Variants in SH3D19 observed in about 807,000 individuals in gnomAD.
The protein encoded by SH3D19 is SH3 domain containing 19, also known as SH3 domain-containing protein 19.
A neutral mutation model predicts 112.1 loss-of-function variants in SH3D19; 58 were observed. That is an observed-to-expected ratio of 0.52 (90% CI 0.42 to 0.64). The LOEUF (loss-of-function observed/expected upper bound fraction) is 0.64. Among genes scored for constraint, SH3D19 ranks in the 30% least tolerant of loss-of-function variants. The probability of loss-of-function intolerance (pLI) is 0.00; values close to 1 mark genes in which losing one functional copy is unlikely to be tolerated. For synonymous variants in SH3D19, 391 were observed against 448.5 expected (o/e 0.87, Z 1.62); for missense variants, 1,090 against 1,263.4 (o/e 0.86, Z 2.08).
At chr4:151,219,732 A>G (rs4696235) in intron 2 of SH3D19, among the ~76,000 whole-genome samples, 123,433 of 152,104 alleles carry the variant, frequency 0.81, 52,355 homozygotes, top group Non-Finnish European at 0.95. Flanking sequence ...AACCTTTGTC[A>G]CCTACGTGCA....
chr4:151,243,716 C>T (rs182074725), intron 1 of SH3D19, among the ~76,000 whole-genome samples: 9 of 152,222 alleles, frequency 5.9e-5, no homozygotes, highest in Non-Finnish European at 7.4e-5. Flanking sequence ...AGGGCTATAC[C>T]GTAAGTCAAA....
intron 7 of SH3D19, chr4:151,170,650 T>C (rs1335398468): frequency 6.6e-6 from 1 of 152,154 alleles, no homozygotes; most frequent in Non-Finnish European, 1.5e-5. Flanking sequence ...TGAGGGTCAT[T>C]GGGGGAAGCA....
intron 2 of SH3D19, among the ~76,000 whole-genome samples, chr4:151,220,102 G>A (rs989097466): frequency 5.3e-5 from 8 of 152,198 alleles, no homozygotes; most frequent in African/African-American, 9.7e-5. Context: ...ATCTATGTCT[G>A]TGGGCTCTTT....
At chr4:151,150,256 C>CAT (rs10671151) in intron 9 of SH3D19, among the ~76,000 whole-genome samples, 79,285 of 111,546 alleles carry the variant, frequency 0.71, 32,549 homozygotes, top group Non-Finnish European at 0.9. Flanking sequence ...TATATACACA[C>CAT]ATATATATAC....
chr4:151,175,715 C>A, intron 6 of SH3D19, 41 bp from the exon 7 acceptor site: 1 of 1,239,108 alleles, frequency 8.1e-7, no homozygotes, highest in South Asian at 4.0e-5. Context: ...TAAAAACAAG[C>A]CATAACGTTA....
At chr4:151,253,054 C>T (rs950468217) in intron 1 of SH3D19, among the ~76,000 whole-genome samples, 12 of 152,226 alleles carry the variant, frequency 7.9e-5, no homozygotes, top group Admixed American at 5.2e-4. Context: ...TATCAATCTA[C>T]TTGCCAGTTT....
At chr4:151,123,573 CTGCCA>C (rs1748513500) in intron 19 of SH3D19, among the ~76,000 whole-genome samples, 1 of 152,150 alleles carries the variant, frequency 6.6e-6, no homozygotes, top group Admixed American at 6.5e-5. Context: ...AGTGATTCTC[CTGCCA>C]TGGCCTCAAT....
chr4:151,131,679 G>A lies in SH3D19; in HGVS notation c.2742+652C>T, dbSNP rs1314182553. 5.9e-5 allele frequency among the ~76,000 whole-genome samples: 9 copies of A among 151,924 alleles called. No homozygotes were observed. The East Asian group carries it at 1.2e-3, about 20-fold the overall frequency. On this transcript the variant is annotated intron_variant, in intron 17 of 19. Coordinates refer to ENST00000604030, the MANE Select transcript of SH3D19 (RefSeq NM_001378122.1). ...TTTTTTTTGTATTTTTAGTAGAGAC[G>A]GGGTTTCACCGTGTTAGCCAGGGTG...
At chr4:151,252,404 A>G (rs967951200) in intron 1 of SH3D19, among the ~76,000 whole-genome samples, 1 of 135,872 alleles carries the variant, frequency 7.4e-6, no homozygotes, top group African/African-American at 2.5e-5. Flanking sequence ...TTGGCAGCCT[A>G]TCACTTTCCT....
At chr4:151,289,256 A>G (rs1580420207) in intron 1 of SH3D19, among the ~76,000 whole-genome samples, 1 of 152,224 alleles carries the variant, frequency 6.6e-6, no homozygotes, top group African/African-American at 2.4e-5. Context: ...AGACCTAAAT[A>G]TAAGAGCTAA....
chr4:151,235,592 C>T (rs367870833), intron 1 of SH3D19, among the ~76,000 whole-genome samples: 1 of 152,146 alleles, frequency 6.6e-6, no homozygotes, highest in South Asian at 2.1e-4. Flanking sequence ...CAAGACCCAG[C>T]CTGGCCAACA....
intron 1 of SH3D19, among the ~76,000 whole-genome samples, chr4:151,272,738 C>CT (rs1348170461): frequency 6.6e-6 from 1 of 150,832 alleles, no homozygotes; most frequent in East Asian, 1.9e-4. Context: ...GTGAAAGTAG[C>CT]TTTAGAGATT....
intron 1 of SH3D19, among the ~76,000 whole-genome samples, chr4:151,238,833 T>G (rs943379468): frequency 6.6e-6 from 1 of 152,152 alleles, no homozygotes; most frequent in Non-Finnish European, 1.5e-5. Context: ...TACCTGAGGA[T>G]AGGGAATGTA....
intron 1 of SH3D19, among the ~76,000 whole-genome samples, chr4:151,259,957 C>T (rs982576649): frequency 6.6e-6 from 1 of 152,216 alleles, no homozygotes; most frequent in Non-Finnish European, 1.5e-5. Context: ...ATGCCTACAC[C>T]TCATACCACT....
intron 2 of SH3D19, among the ~76,000 whole-genome samples, chr4:151,192,864 A>G (rs1210063296): frequency 3.9e-5 from 6 of 152,178 alleles, no homozygotes; most frequent in Non-Finnish European, 8.8e-5. Context: ...TCCCACAAAA[A>G]AGTTCAAAGA....
At chr4:151,174,100 A>C (rs556888996) in intron 7 of SH3D19, among the ~76,000 whole-genome samples, 2 of 152,318 alleles carry the variant, frequency 1.3e-5, no homozygotes, top group Non-Finnish European at 2.9e-5. Flanking sequence ...GATTAAAGGA[A>C]CAACTTTGCA....
chr4:151,273,975 G>C (rs1773409296), intron 1 of SH3D19, among the ~76,000 whole-genome samples: 1 of 152,130 alleles, frequency 6.6e-6, no homozygotes, highest in South Asian at 2.1e-4. Context: ...AAAAAATTAA[G>C]ATGAAAAATA....
chr4:151,127,609 C>G lies in SH3D19; in HGVS notation c.3027+9G>C, dbSNP rs1183476764. Reference sequence around the variant, plus strand: ...CTTAATGCAGTTATGAAGAGATACACATTCTGACCTTGAAGGAAAGTTCAT... The same window carrying G: ...CTTAATGCAGTTATGAAGAGATACAGATTCTGACCTTGAAGGAAAGTTCAT... On this transcript the variant is annotated intron_variant, in intron 19 of 19. Transcript: ENST00000604030. 2.6e-6 allele frequency: 4 copies of G among 1,544,144 alleles called. No individual in the cohort carries two copies. The highest frequency in any genetic ancestry group is 2.0e-5 in the Admixed American group (1 of 51,238).
At chr4:151,195,413 A>T (rs1763315296) in intron 2 of SH3D19, among the ~76,000 whole-genome samples, 1 of 146,172 alleles carries the variant, frequency 6.8e-6, no homozygotes, top group African/African-American at 2.5e-5. Context: ...AGAAAAAAAG[A>T]GTTAACCTTA....
Sources: allele counts gnomAD v4.1 joint callset (sites outside exome capture counted in the v4.1 genomes callset), GRCh38; gene constraint gnomAD v4.1.1; transcripts MANE v1.5; gene names NCBI Gene and HGNC (gene_info 2026-07-23, HGNC 2026-07-21).